HS2ST1: variants seen among roughly 807,000 people sequenced by gnomAD.
HS2ST1 encodes heparan sulfate 2-O-sulfotransferase 1, also known as 2-O-sulfotransferase.
Under a neutral mutation model 42.9 loss-of-function variants are expected in HS2ST1, and 18 were observed. The ratio of observed to expected loss-of-function variants is 0.42; its 90% CI spans 0.29 to 0.62. HS2ST1 has a LOEUF of 0.62. Among genes scored for constraint, HS2ST1 ranks in the 20% least tolerant of loss-of-function variants. The probability of loss-of-function intolerance (pLI) is 0.21; values close to 1 mark genes in which losing one functional copy is unlikely to be tolerated. For missense variants in HS2ST1, 334 were observed against 433.8 expected, an observed-to-expected ratio of 0.77 and a Z score of 2.04; for synonymous variants, 146 against 152.9, an observed-to-expected ratio of 0.95 and a Z score of 0.33.
intron 1 of HS2ST1, among the ~76,000 whole-genome samples, chr1:86,929,423 T>G (rs1012988618): frequency 6.6e-6 from 1 of 151,818 alleles, no homozygotes; most frequent in African/African-American, 2.4e-5. Context: ...TAGGAAGAAG[T>G]AATAATCACT....
chr1:86,988,664 T>C (rs1213818864), intron 1 of HS2ST1, among the ~76,000 whole-genome samples: 1 of 152,220 alleles, frequency 6.6e-6, no homozygotes. Context: ...AGCTAAGAGA[T>C]TTGTTTTCAC....
At chr1:86,976,704 G>GTATATATATATATATATATATATATA (rs147039703) in intron 1 of HS2ST1, among the ~76,000 whole-genome samples, 2,055 of 79,210 alleles carry the variant, frequency 0.026, 266 homozygotes, top group Middle Eastern at 0.044. Context: ...TTATAAAATT[G>GTATATATATATATATATATATATATA]TATATATATA....
chr1:86,942,178 T>C (rs940425564), intron 1 of HS2ST1, among the ~76,000 whole-genome samples: 2 of 152,204 alleles, frequency 1.3e-5, no homozygotes, highest in African/African-American at 4.8e-5. Flanking sequence ...TGTGTTGAAA[T>C]GTGATTATGG....
chr1:87,069,904 A>T (rs1040638018), intron 1 of HS2ST1, among the ~76,000 whole-genome samples: 15 of 152,334 alleles, frequency 9.8e-5, no homozygotes, highest in Admixed American at 2.6e-4. Context: ...AGCAAAGTTG[A>T]TGAGGTAATT....
rs1177785858 is a variant in HS2ST1 at position 87,101,149 on chromosome 1, G to GTTTTTTTTTTTTTTTTTTTTTT, written c.687-2277_687-2276insTTTTTTTTTTTTTTTTTTTTTT. Among the ~76,000 whole-genome samples the GTTTTTTTTTTTTTTTTTTTTTT allele has an allele frequency of 2.2e-4, 13 of 59,568 alleles. 6 individuals carry two copies. The highest frequency in any genetic ancestry group is 5.6e-4 in the Admixed American group (2 of 3,582). The allele number at this position is 59,568 out of a possible 152,430, so 39.1% of individuals were successfully genotyped here. ...TCATCACTTTTGTGTGTGTGTGTGT[G>GTTTTTTTTTTTTTTTTTTTTTT]TTTTTTGTTTTTTTTTTTTTTTTTT... On this transcript the variant is annotated intron_variant, in intron 5 of 6. Transcript: ENST00000370550.
chr1:87,055,283 A>G (rs955368433), intron 1 of HS2ST1, among the ~76,000 whole-genome samples: 7 of 152,016 alleles, frequency 4.6e-5, no homozygotes, highest in African/African-American at 1.7e-4. Flanking sequence ...CTTCATCCCC[A>G]TTTATTCTTC....
chr1:86,943,470 A>C (rs1412512241), intron 1 of HS2ST1, among the ~76,000 whole-genome samples: 1 of 152,114 alleles, frequency 6.6e-6, no homozygotes, highest in Non-Finnish European at 1.5e-5. Context: ...TAATCCCAGC[A>C]CTTTGGAGGC....
rs146409982 is a variant in HS2ST1, at chr1:87,081,616, G to T, written c.364-2578G>T. Reference sequence around the variant, plus strand: ...AACTTCAAATAAACAACCTAGTGTTGCATCTTAAAGAGCTAGAAAAGCAAG... The same window carrying T: ...AACTTCAAATAAACAACCTAGTGTTTCATCTTAAAGAGCTAGAAAAGCAAG... On this transcript the variant is annotated intron_variant, in intron 2 of 6. Coordinates refer to ENST00000370550, the MANE Select transcript of HS2ST1 (RefSeq NM_012262.4). Among the ~76,000 whole-genome samples, 58 of 152,198 alleles carry T rather than the reference G, an allele frequency of 3.8e-4. No individual in the cohort carries two copies. In the East Asian group the frequency reaches 0.011, roughly 28 times the overall value.
intron 1 of HS2ST1, among the ~76,000 whole-genome samples, chr1:87,072,728 G>T (rs1205061382): frequency 6.6e-6 from 1 of 150,500 alleles, no homozygotes; most frequent in African/African-American, 2.5e-5. Flanking sequence ...GGAAGATTAT[G>T]TTCCAGGCTG....
At chr1:87,081,204 A>C (rs1197658908) in intron 2 of HS2ST1, among the ~76,000 whole-genome samples, 1 of 152,226 alleles carries the variant, frequency 6.6e-6, no homozygotes, top group Non-Finnish European at 1.5e-5. Flanking sequence ...AGCTTACACC[A>C]AATGGACCTA....
At chr1:86,935,575 G>A (rs938721306) in intron 1 of HS2ST1, among the ~76,000 whole-genome samples, 1 of 146,262 alleles carries the variant, frequency 6.8e-6, no homozygotes, top group African/African-American at 2.5e-5. Flanking sequence ...TGATTCTCGT[G>A]TCTCAGCCTC....
chr1:86,998,523 G>A (rs770149762), intron 1 of HS2ST1, among the ~76,000 whole-genome samples: 2 of 152,116 alleles, frequency 1.3e-5, no homozygotes, highest in Non-Finnish European at 2.9e-5. Context: ...GTTCACAGTG[G>A]TTTTACTACA....
In HS2ST1 at chr1:87,102,747, C is replaced by T. The variant is rs141671048; in HGVS notation, c.687-685C>T. Among the ~76,000 whole-genome samples the T allele has an allele frequency of 1.9e-3, 293 of 152,116 alleles. 1 individual carries two copies. The highest frequency in any genetic ancestry group is 6.7e-3 in the African/African-American group (279 of 41,476). On this transcript the variant is annotated intron_variant, in intron 5 of 6. Coordinates refer to ENST00000370550, the MANE Select transcript of HS2ST1 (RefSeq NM_012262.4). ...AAACCAATTAATCACTGTTCCCCTC[C>T]CCCTCTTTGTTTTTTTTAATAGTTT...
At chr1:86,921,429 C>G (rs545849123) in intron 1 of HS2ST1, among the ~76,000 whole-genome samples, 11 of 152,120 alleles carry the variant, frequency 7.2e-5, no homozygotes, top group African/African-American at 2.7e-4. Flanking sequence ...ATATTCTTTG[C>G]TCTGAAACCT....
chr1:87,002,200 C>T (rs925308737), intron 1 of HS2ST1, among the ~76,000 whole-genome samples: 1 of 152,208 alleles, frequency 6.6e-6, no homozygotes, highest in African/African-American at 2.4e-5. Context: ...GCGTGAGCCA[C>T]CGTGCCCGGC....
intron 5 of HS2ST1, among the ~76,000 whole-genome samples, chr1:87,101,149 G>GTGTGTTTTTT (rs1557546421): frequency 8.4e-5 from 5 of 59,568 alleles, no homozygotes; most frequent in African/African-American, 3.3e-4. Flanking sequence ...GTGTGTGTGT[G>GTGTGTTTTTT]TTTTTTGTTT....
At chr1:86,941,709 A>C (rs1384166360) in intron 1 of HS2ST1, among the ~76,000 whole-genome samples, 1 of 151,890 alleles carries the variant, frequency 6.6e-6, no homozygotes, top group Admixed American at 6.6e-5. Context: ...CGGGAGACGG[A>C]GGTTGCAGTG....
At chr1:87,046,146 G>A (rs1346284012) in intron 1 of HS2ST1, 1 of 725,044 alleles carries the variant, frequency 1.4e-6, no homozygotes, top group Non-Finnish European at 2.5e-6. Context: ...TAACAGAGCT[G>A]CCCAAAACCG....
chr1:86,968,415 C>T (rs1454092640), intron 1 of HS2ST1, among the ~76,000 whole-genome samples: 1 of 127,620 alleles, frequency 7.8e-6, no homozygotes, highest in Non-Finnish European at 1.6e-5. Context: ...CTTTGGATTA[C>T]TTATTTCTCC....
Sources: allele counts gnomAD v4.1 joint callset (sites outside exome capture counted in the v4.1 genomes callset), GRCh38; gene constraint gnomAD v4.1.1; transcripts MANE v1.5; gene names NCBI Gene and HGNC (gene_info 2026-07-23, HGNC 2026-07-21).